The following ZHX1 variants were observed in gnomAD, a reference collection of about 807,000 sequenced individuals.
ZHX1 encodes zinc fingers and homeoboxes protein 1.
A neutral mutation model predicts 61.8 loss-of-function variants in ZHX1; 20 were observed. The ratio of observed to expected loss-of-function variants is 0.32; its 90% CI spans 0.23 to 0.47. The LOEUF is 0.47. ZHX1 is among the 20% of genes least tolerant of loss of function. The pLI, the probability that ZHX1 is intolerant of heterozygous loss-of-function variation, is 1.00. For missense variants in ZHX1, 800 were observed against 1,034.8 expected (o/e 0.77, Z 3.11); for synonymous variants, 318 against 352.6 (o/e 0.90, Z 1.10).
intron 3 of ZHX1, 109 bp downstream of exon 3, chr8:123,253,213 A>G: frequency 2.2e-6 from 2 of 917,502 alleles, no homozygotes; most frequent in Non-Finnish European, 3.2e-6. Flanking sequence ...GAAAAGAAAA[A>G]CTACTTCAGA....
At chr8:123,263,670 A>T (rs541312958) in intron 2 of ZHX1, among the ~76,000 whole-genome samples, 21 of 152,000 alleles carry the variant, frequency 1.4e-4, no homozygotes, top group Admixed American at 9.2e-4. Flanking sequence ...TGCCTCTACT[A>T]AAAAAATACA....
chr8:123,267,787 A>C (rs1264661496), intron 1 of ZHX1, among the ~76,000 whole-genome samples: 1 of 152,164 alleles, frequency 6.6e-6, no homozygotes, highest in Non-Finnish European at 1.5e-5. Context: ...GGATCACCTG[A>C]GGTTGGGAGT....
intron 2 of ZHX1, among the ~76,000 whole-genome samples, chr8:123,263,397 T>C (rs1826349946): frequency 6.6e-6 from 1 of 152,154 alleles, no homozygotes; most frequent in Non-Finnish European, 1.5e-5. Flanking sequence ...GAAAGCAAAA[T>C]GTGTTTTATC....
chr8:123,273,565 C>T (rs1440391009), intron 1 of ZHX1, among the ~76,000 whole-genome samples: 1 of 152,214 alleles, frequency 6.6e-6, no homozygotes, highest in Non-Finnish European at 1.5e-5. Context: ...GGGACATGGC[C>T]TGGCCCCGAA....
At position 123,255,150 on chromosome 8, in the gene ZHX1, G is replaced by T. The variant is rs1254378942; in HGVS notation, c.797C>A (p.Ala266Asp). The change falls in exon 3 of 4, where the codon GCT becomes GAT. Residue 266 changes from alanine to aspartate, a missense_variant. Coordinates refer to ENST00000395571, the MANE Select transcript of ZHX1 (RefSeq NM_007222.5). ...ATTAGAATTCTGCTGAGCAGATACA[G>T]CAGTTATCACCTGTGCCAATCCAGG... Reference protein sequence around the residue: ...VLPGLAQVITAVSAQQNSNLI... With the variant: ...VLPGLAQVITDVSAQQNSNLI... 12 of 1,614,182 alleles carry T rather than the reference G, an allele frequency of 7.4e-6. No individual in the cohort carries two copies. The highest frequency in any genetic ancestry group is 1.0e-5 in the Non-Finnish European group (12 of 1,180,020).
Position 123,256,695 on chromosome 8 carries a change from C to CA in ZHX1, c.-225-525dup, listed in dbSNP as rs144895150. On this transcript the variant is annotated intron_variant, in intron 2 of 3. Coordinates refer to ENST00000395571, the MANE Select transcript of ZHX1 (RefSeq NM_007222.5). ...AGGAGAATCGCTTGAACCCAGGAGG[C>CA]AGAGATTGCTGTAAGCCAAGATCAT... is the stretch of plus-strand genomic sequence containing the variant. Among the ~76,000 whole-genome samples, 86 of 150,758 alleles carry CA rather than the reference C, an allele frequency of 5.7e-4. 1 individual carries two copies. The highest frequency in any genetic ancestry group is 3.7e-3 in the East Asian group (19 of 5,122).
rs77720341 is a variant in ZHX1 at position 123,257,587 on chromosome 8, C to T, written c.-225-1416G>A. 3.6e-3 allele frequency among the ~76,000 whole-genome samples: 545 copies of T among 152,232 alleles called. 1 individual carries two copies. Among genetic ancestry groups the T allele is most frequent in the Non-Finnish European group, 6.0e-3 (409 of 68,014 alleles). On this transcript the variant is annotated intron_variant, in intron 2 of 3. Transcript: ENST00000395571. The stretch of plus-strand genomic sequence containing the variant: ...TGGAAGACCATTTTTCCACATACCG[C>T]GGTGCGAGGGGATGAGATGGTTTTG...
chr8:123,255,341 T>A lies in ZHX1; in HGVS notation c.606A>T (p.Ser202=). ...CTTTCTCTTCAGGAACGTCCTCAACTGAGTTATGATGAACTGCAATCCGTT... is the reference window on the plus strand; with the variant it reads ...CTTTCTCTTCAGGAACGTCCTCAACAGAGTTATGATGAACTGCAATCCGTT... ...ENKRIAVHHN[S]VEDVPEEKEN... Residue 202 remains serine, a synonymous_variant, in exon 3 of 4, where the codon TCA becomes TCT. Coordinates refer to ENST00000395571, the MANE Select transcript of ZHX1 (RefSeq NM_007222.5). 6.2e-7 allele frequency: 1 copy of A among 1,614,106 alleles called. No homozygotes were observed. The highest frequency in any genetic ancestry group is 8.5e-7 in the Non-Finnish European group (1 of 1,180,020).
chr8:123,250,421 T>C (rs1825886616), intron 3 of ZHX1, 101 bp from the exon 4 acceptor site: 1 of 342,612 alleles, frequency 2.9e-6, no homozygotes, highest in South Asian at 2.3e-5. Flanking sequence ...TCTTTTGTAT[T>C]CTCTTGAGAT....
chr8:123,262,758 GA>G (rs1217973611), intron 2 of ZHX1: 1 of 152,060 alleles, frequency 6.6e-6, no homozygotes, highest in African/African-American at 2.4e-5. Context: ...GCCAGTTTAT[GA>G]CCAATCTTTC....
At chr8:123,263,137 G>C (rs1285718654) in intron 2 of ZHX1, among the ~76,000 whole-genome samples, 1 of 150,132 alleles carries the variant, frequency 6.7e-6, no homozygotes, top group Non-Finnish European at 1.5e-5. Context: ...GAATCCCTCA[G>C]TATGTAGCAT....
In ZHX1 at chr8:123,268,438, C is replaced by T. The variant is rs1826537482; in HGVS notation, c.-339-1052G>A. Among the ~76,000 whole-genome samples the T allele has an allele frequency of 2.0e-5, 3 of 152,162 alleles. No homozygotes were observed. The South Asian group carries it at 6.2e-4, about 32-fold the overall frequency. On this transcript the variant is annotated intron_variant, in intron 1 of 3. Coordinates refer to ENST00000395571, the MANE Select transcript of ZHX1 (RefSeq NM_007222.5). ...GAAAAGTTTAATAAAGCTACAATTG[C>T]TTTTCTTACTAGAACAGTCATAAAT...
Position 123,254,629 on chromosome 8 carries a change from T to C in ZHX1, c.1318A>G (p.Thr440Ala). The C allele has an allele frequency of 6.2e-7, 1 of 1,614,218 alleles. No homozygotes were observed. The highest frequency in any genetic ancestry group is 8.5e-7 in the Non-Finnish European group (1 of 1,180,034). ...GGAACTGCTGCTGTTGCTGGCTTTG[T>C]TTCTGCAGTAGGCTGAGCAGCAGGT... Reference protein sequence around the residue: ...QVPAAQPTAETKPATAAVPTS... With the variant: ...QVPAAQPTAEAKPATAAVPTS... The change falls in exon 3 of 4, where the codon ACA becomes GCA. Residue 440 changes from threonine (T) to alanine (A), a missense_variant. By Grantham distance (58) the Thr-to-Ala change is moderately conservative. Transcript: ENST00000395571. This position sits in a 1 kb window ranked among gnomAD's most constrained non-coding sequence, Gnocchi z 4.1.
intron 2 of ZHX1, among the ~76,000 whole-genome samples, chr8:123,265,354 T>C (rs1389103609): frequency 5.3e-5 from 8 of 151,916 alleles, no homozygotes. Context: ...TTTGGGACTC[T>C]GTATTCTATT....
intron 1 of ZHX1, among the ~76,000 whole-genome samples, chr8:123,272,173 A>G (rs1235100558): frequency 6.6e-6 from 1 of 152,284 alleles, no homozygotes; most frequent in African/African-American, 2.4e-5. Flanking sequence ...AGAATGGTTC[A>G]AGAAATCTCT....
rs1825988874 is a variant in ZHX1 at position 123,253,940 on chromosome 8, A to C, written c.2007T>G (p.Pro669=). Residue 669 remains proline (P), a synonymous_variant, in exon 3 of 4, where the codon CCT becomes CCG. Transcript: ENST00000395571. ...CACTCTTAAGCATGTGCAGCTGCTC[A>C]GGTGTTTTTTTACATATCTTGCCTG... ...GSTGKICKKT[P]EQLHMLKSAF... is the part of the protein sequence containing the mutation. 1 of 1,614,190 alleles carries C rather than the reference A, an allele frequency of 6.2e-7. No individual in the cohort carries two copies. The highest frequency in any genetic ancestry group is 1.7e-5 in the Admixed American group (1 of 60,018).
At position 123,249,278 on chromosome 8, in the gene ZHX1, C is replaced by A. The variant is rs532353218; in HGVS notation, c.*1046G>T. On this transcript the variant is annotated 3_prime_UTR_variant, in exon 4 of 4. Transcript: ENST00000395571. ...TACAAAGTTTGTAAATTAGTATGAA[C>A]TTTCAGTCTCCTGATACGGCAAGAG... 4.1e-4 allele frequency: 62 copies of A among 152,288 alleles called. No individual in the cohort carries two copies. Among genetic ancestry groups the A allele is most frequent in the African/African-American group, 1.1e-3 (46 of 41,562 alleles). The allele number at this position is 152,288 out of a possible 1,614,324, so 9.4% of individuals were successfully genotyped here. A position where few individuals can be genotyped will look rare whatever the true frequency, so the allele number is the denominator to read the frequency against.
chr8:123,265,171 A>G (rs1237111964), intron 2 of ZHX1, among the ~76,000 whole-genome samples: 1 of 150,940 alleles, frequency 6.6e-6, no homozygotes, highest in Non-Finnish European at 1.5e-5. Context: ...CCTGGATGAT[A>G]AGAGCACAAC....
At chr8:123,263,477 T>C (rs1826352774) in intron 2 of ZHX1, among the ~76,000 whole-genome samples, 1 of 152,208 alleles carries the variant, frequency 6.6e-6, no homozygotes. Context: ...TCTACTTAGC[T>C]ATCCACTATA....
Sources: gnomAD v4.1 joint callset for allele counts (sites outside exome capture counted in the v4.1 genomes callset) on GRCh38, gnomAD v4.1.1 for gene constraint, Gnocchi (gnomAD v3.1) non-coding constraint, MANE v1.5 for transcripts, NCBI Gene and HGNC (gene_info 2026-07-23, HGNC 2026-07-21) for gene names.